The following MTARC1 variants were observed in gnomAD, a reference collection of about 807,000 sequenced individuals.
MTARC1 encodes mitochondrial amidoxime reducing component 1.
Under a neutral mutation model 33.6 loss-of-function variants are expected in MTARC1, and 24 were observed. The ratio of observed to expected loss-of-function variants is 0.72; its 90% confidence interval spans 0.52 to 1.01. MTARC1 has a LOEUF of 1.01. Ranked by LOEUF, MTARC1 falls within the 50% of genes least tolerant of loss-of-function variation. MTARC1 has a pLI of 0.00. For synonymous variants in MTARC1, 187 were observed against 189.5 expected, an observed-to-expected ratio of 0.99 and a Z score of 0.11; for missense variants, 417 against 445.7, an observed-to-expected ratio of 0.94 and a Z score of 0.58.
At chr1:220,809,599 T>A (rs773841257) in intron 6 of MTARC1, among the ~76,000 whole-genome samples, 1 of 152,216 alleles carries the variant, frequency 6.6e-6, no homozygotes, top group Non-Finnish European at 1.5e-5. Context: ...AACCTCCGCC[T>A]CCTGGGTTCA....
chr1:220,805,123 T>C lies in MTARC1; in HGVS notation c.815+10T>C, dbSNP rs1313302047. The C allele has an allele frequency of 6.2e-7, 1 of 1,614,156 alleles. No homozygotes were observed. The highest frequency in any genetic ancestry group is 8.5e-7 in the Non-Finnish European group (1 of 1,180,024). ...TGATGGCTTGTTCCAGGTAAGGTGC[T>C]TTCCTGTCCCTGTGGGGTGGAGGTG... On this transcript the variant is annotated intron_variant, in intron 5 of 6. Transcript: ENST00000366910.
intron 4 of MTARC1, 187 bp downstream of exon 4, chr1:220,798,201 G>T (rs1672682647): frequency 1.2e-5 from 18 of 1,525,022 alleles, no homozygotes; most frequent in Non-Finnish European, 1.6e-5. Flanking sequence ...GGATACAAAT[G>T]TTGATGGGTC....
intron 4 of MTARC1, among the ~76,000 whole-genome samples, chr1:220,800,621 A>G (rs185262118): frequency 9.3e-5 from 14 of 150,962 alleles, no homozygotes; most frequent in Non-Finnish European, 1.5e-4. Flanking sequence ...TGTTTTTAAG[A>G]CCTTCTCTGC....
chr1:220,799,869 T>TCAATGACTCCC (rs1672732850), intron 4 of MTARC1, among the ~76,000 whole-genome samples: 1 of 152,210 alleles, frequency 6.6e-6, no homozygotes, highest in South Asian at 2.1e-4. Flanking sequence ...ACGGGCAGTT[T>TCAATGACTCCC]CAATGACTCC....
intron 3 of MTARC1, among the ~76,000 whole-genome samples, chr1:220,797,117 T>C (rs1430587680): frequency 6.6e-6 from 1 of 152,048 alleles, no homozygotes; most frequent in African/African-American, 2.4e-5. Flanking sequence ...GCACATGGAG[T>C]CCAGAATTTT....
chr1:220,806,674 T>C (rs758633357), intron 6 of MTARC1, among the ~76,000 whole-genome samples: 43 of 152,158 alleles, frequency 2.8e-4, no homozygotes, highest in Non-Finnish European at 5.7e-4. Flanking sequence ...GCTGAAGCCC[T>C]GGGCTGGAGG....
chr1:220,789,913 G>A (rs1672370787), intron 1 of MTARC1, among the ~76,000 whole-genome samples: 1 of 152,210 alleles, frequency 6.6e-6, no homozygotes, highest in South Asian at 2.1e-4. Flanking sequence ...GGGGGAAGGG[G>A]AAAACGAGGA....
intron 4 of MTARC1, 147 bp downstream of exon 4, chr1:220,798,161 G>C: frequency 6.3e-7 from 1 of 1,593,618 alleles, no homozygotes; most frequent in South Asian, 1.1e-5. Context: ...GATTTATTCA[G>C]CACTTAATAA....
At chr1:220,798,694 C>T (rs1672696006) in intron 4 of MTARC1, 1 of 731,756 alleles carries the variant, frequency 1.4e-6, no homozygotes. Context: ...TGGCCACCAG[C>T]TGTGGATACT....
At chr1:220,794,538 CT>C (rs59339230) in intron 2 of MTARC1, among the ~76,000 whole-genome samples, 120 of 145,820 alleles carry the variant, frequency 8.2e-4, no homozygotes, top group Non-Finnish European at 9.2e-4. Context: ...ACGATAGGAT[CT>C]TTTTTTTTTT....
At chr1:220,799,893 A>G (rs1672733829) in intron 4 of MTARC1, among the ~76,000 whole-genome samples, 1 of 152,176 alleles carries the variant, frequency 6.6e-6, no homozygotes, top group African/African-American at 2.4e-5. Context: ...GCCTGATGGG[A>G]GCTGTGAGAA....
rs536440088 is a variant in MTARC1 at position 220,817,093 on chromosome 1, CT to C, written c.*3687del. 2.4e-3 allele frequency: 346 copies of C among 146,452 alleles called. 9 individuals are homozygous for C. The South Asian group carries it at 0.053, about 22-fold the overall frequency. 9.1% of individuals were successfully genotyped at this position (146,452 alleles called of 1,614,324 possible). On this transcript the variant is annotated 3_prime_UTR_variant, in exon 7 of 7. Coordinates refer to ENST00000366910, the MANE Select transcript of MTARC1 (RefSeq NM_022746.4). ...TTTCTCTTCTGCTAGCTTCTCCTTT[CT>C]TTTTTTTTTTTCTTCTTTTTTTTGA...
intron 4 of MTARC1, chr1:220,798,540 AC>A: frequency 1.0e-6 from 1 of 985,424 alleles, no homozygotes; most frequent in Non-Finnish European, 1.2e-6. Flanking sequence ...CTTAGCTTGA[AC>A]AGCCCTGAGG....
intron 1 of MTARC1, among the ~76,000 whole-genome samples, chr1:220,788,260 G>C (rs963976233): frequency 6.6e-6 from 1 of 152,156 alleles, no homozygotes; most frequent in African/African-American, 2.4e-5. Flanking sequence ...CCCGGGAGCC[G>C]GCAGCTTTGT....
chr1:220,808,420 T>C (rs1178512450), intron 6 of MTARC1, among the ~76,000 whole-genome samples: 2 of 152,202 alleles, frequency 1.3e-5, no homozygotes, highest in Admixed American at 1.3e-4. Flanking sequence ...TCCTATCTCT[T>C]ACTGAGATTT....
At position 220,786,916 on chromosome 1, in the gene MTARC1, G is replaced by C; in HGVS notation, c.-29G>C. ...CGGGCGACCAGCGCGCTCCGGCCTT[G>C]CCGCCGCCACCTCGCGGAGAAGCCA... On this transcript the variant is annotated 5_prime_UTR_variant, in exon 1 of 7. Coordinates refer to ENST00000366910, the MANE Select transcript of MTARC1 (RefSeq NM_022746.4). The C allele has an allele frequency of 8.1e-7, 1 of 1,228,768 alleles. No homozygotes were observed. The highest frequency in any genetic ancestry group is 1.0e-6 in the Non-Finnish European group (1 of 987,168). The allele number at this position is 1,228,768 out of a possible 1,614,324, so 76.1% of individuals were successfully genotyped here.
intron 4 of MTARC1, among the ~76,000 whole-genome samples, chr1:220,800,638 G>A (rs1318645570): frequency 6.6e-6 from 1 of 151,328 alleles, no homozygotes; most frequent in Non-Finnish European, 1.5e-5. Context: ...CTGCCCTGAG[G>A]ACCCCTAACT....
At chr1:220,807,302 G>C (rs1224649660) in intron 6 of MTARC1, among the ~76,000 whole-genome samples, 1 of 152,192 alleles carries the variant, frequency 6.6e-6, no homozygotes, top group Non-Finnish European at 1.5e-5. Context: ...CATAGTCAAG[G>C]GCAGGCACGA....
At chr1:220,803,413 G>A (rs546327265) in intron 4 of MTARC1, among the ~76,000 whole-genome samples, 153 of 152,242 alleles carry the variant, frequency 1.0e-3, no homozygotes, top group Admixed American at 3.0e-3. Context: ...TATCACGAAC[G>A]AAAGCTCCAA....
Sources: allele counts gnomAD v4.1 joint callset (sites outside exome capture counted in the v4.1 genomes callset), GRCh38; gene constraint gnomAD v4.1.1; transcripts MANE v1.5; gene names NCBI Gene and HGNC (gene_info 2026-07-23, HGNC 2026-07-21).